The following CALN1 variants were observed in gnomAD, a reference collection of about 807,000 sequenced individuals.
CALN1 encodes the protein calneuron 1, also known as calcium-binding protein 8.
In CALN1, 17 loss-of-function variants were observed where a neutral mutation model predicts 30.6. That is an observed-to-expected ratio of 0.56 (90% CI 0.38 to 0.83). The LOEUF (loss-of-function observed/expected upper bound fraction) is 0.83, where lower values mean the gene tolerates loss of function less well. Ranked by LOEUF, CALN1 falls within the 40% of genes least tolerant of loss-of-function variation. The pLI is 0.00. For missense variants in CALN1, 291 were observed against 354.9 expected, an observed-to-expected ratio of 0.82 and a Z score of 1.45; for synonymous variants, 156 against 131.4, an observed-to-expected ratio of 1.19 and a Z score of -1.28.
At chr7:72,056,967 G>C (rs562283656) in intron 4 of CALN1, among the ~76,000 whole-genome samples, 1 of 151,976 alleles carries the variant, frequency 6.6e-6, no homozygotes, top group Non-Finnish European at 1.5e-5. Flanking sequence ...TAAAAACAAG[G>C]TCTCACTCTG....
intron 2 of CALN1, among the ~76,000 whole-genome samples, chr7:72,303,397 T>C (rs1799428243): frequency 2.0e-5 from 3 of 151,894 alleles, no homozygotes; most frequent in Non-Finnish European, 4.4e-5. Flanking sequence ...ACCCTGTCTC[T>C]ACTAAAAATA....
intron 5 of CALN1, among the ~76,000 whole-genome samples, chr7:71,842,285 T>G (rs1161855886): frequency 6.6e-6 from 1 of 152,252 alleles, no homozygotes; most frequent in Non-Finnish European, 1.5e-5. Context: ...AATACTATCC[T>G]GCCCTGCGGG....
intron 6 of CALN1, among the ~76,000 whole-genome samples, chr7:71,788,668 T>TA (rs1207436170): frequency 5.9e-4 from 89 of 151,562 alleles, no homozygotes; most frequent in East Asian, 2.0e-4. Flanking sequence ...TTATTATTAT[T>TA]TTTTTTGATA....
At chr7:71,924,216 ATT>A in intron 5 of CALN1, among the ~76,000 whole-genome samples, 2 of 124,184 alleles carry the variant, frequency 1.6e-5, no homozygotes, top group Admixed American at 8.6e-5. Flanking sequence ...AAAAAAAAAG[ATT>A]AGGATTAGGA....
chr7:72,311,651 A>ATTTTTTTTTTTTTTTTTTTT (rs56197069), intron 2 of CALN1, among the ~76,000 whole-genome samples: 3 of 48,470 alleles, frequency 6.2e-5, no homozygotes, highest in Non-Finnish European at 1.1e-4. Context: ...CCTGGCTGAG[A>ATTTTTTTTTTTTTTTTTTTT]TTTTTTTTTT....
chr7:72,383,974 A>G (rs1221170620), intron 2 of CALN1, among the ~76,000 whole-genome samples: 1 of 152,246 alleles, frequency 6.6e-6, no homozygotes, highest in Non-Finnish European at 1.5e-5. Flanking sequence ...ATTATAAATC[A>G]TTCTACTATA....
intron 5 of CALN1, among the ~76,000 whole-genome samples, chr7:71,989,880 C>T (rs1011723751): frequency 2.0e-5 from 3 of 151,596 alleles, no homozygotes; most frequent in South Asian, 2.1e-4. Context: ...GGAATGAAGC[C>T]GAAAGGGATT....
rs1563015136 is a variant in CALN1 at position 72,054,407 on chromosome 7, A to ATATATATG, written c.389-30639_389-30638insCATATATA. On this transcript the variant is annotated intron_variant, in intron 4 of 6. Transcript: ENST00000395275. ...TTGTTGGCTGCATATATGTACATAT[A>ATATATATG]TATATATATACGTGTATATATACAC... 6.3e-4 allele frequency among the ~76,000 whole-genome samples: 58 copies of ATATATATG among 92,012 alleles called. 2 individuals carry two copies. The East Asian group carries it at 8.2e-3, about 13-fold the overall frequency. 60.4% of individuals were successfully genotyped at this position (92,012 alleles called of 152,430 possible). A position where few individuals can be genotyped will look rare whatever the true frequency, so the allele number is the denominator to read the frequency against.
chr7:72,393,256 A>C (rs939518236), intron 2 of CALN1, among the ~76,000 whole-genome samples: 4 of 152,130 alleles, frequency 2.6e-5, no homozygotes, highest in African/African-American at 9.7e-5. Context: ...TCATGAGGCC[A>C]GATCAAGACC....
intron 2 of CALN1, among the ~76,000 whole-genome samples, chr7:72,330,485 A>C (rs2944823): frequency 7.0e-6 from 1 of 143,168 alleles, no homozygotes. Flanking sequence ...AAAAAAAAAA[A>C]AGAGAGAGAG....
the CALN1 span, among the ~76,000 whole-genome samples, chr7:72,461,286 C>T: frequency 1.6e-4 from 24 of 152,282 alleles, no homozygotes; most frequent in African/African-American, 5.5e-4. Context: ...GAACTACCAC[C>T]AAACCCAATC....
intron 2 of CALN1, among the ~76,000 whole-genome samples, chr7:72,369,061 C>T (rs959251573): frequency 4.0e-5 from 6 of 151,378 alleles, no homozygotes; most frequent in Admixed American, 2.0e-4. Context: ...GTGATCTGCC[C>T]ACCTCTGCCT....
At chr7:72,326,572 G>A (rs1374857123) in intron 2 of CALN1, among the ~76,000 whole-genome samples, 5 of 152,192 alleles carry the variant, frequency 3.3e-5, no homozygotes, top group Admixed American at 2.0e-4. Flanking sequence ...AGGCTGAGAC[G>A]CCACATCAGT....
chr7:71,849,076 G>A (rs1172800902), intron 5 of CALN1, among the ~76,000 whole-genome samples: 1 of 152,068 alleles, frequency 6.6e-6, no homozygotes, highest in Non-Finnish European at 1.5e-5. Context: ...GTGTCTTAAG[G>A]TGTTTAACTC....
chr7:72,016,807 CCTGGG>C (rs1380242090), intron 5 of CALN1, among the ~76,000 whole-genome samples: 2 of 151,342 alleles, frequency 1.3e-5, no homozygotes, highest in African/African-American at 4.9e-5. Flanking sequence ...AAAGCCTGGG[CCTGGG>C]CTGGGAAGAA....
the CALN1 span, among the ~76,000 whole-genome samples, chr7:72,478,664 T>C: frequency 6.6e-6 from 1 of 151,952 alleles, no homozygotes; most frequent in African/African-American, 2.4e-5. Context: ...TGTACCTGAT[T>C]GCTTCCCCTG....
At chr7:72,093,925 G>A (rs944616181) in intron 4 of CALN1, among the ~76,000 whole-genome samples, 2 of 152,282 alleles carry the variant, frequency 1.3e-5, no homozygotes, top group Middle Eastern at 6.8e-3. Context: ...GGTGGATTTA[G>A]AAAACTGATT....
At chr7:72,192,371 T>TC (rs1302084961) in intron 3 of CALN1, among the ~76,000 whole-genome samples, 2 of 152,240 alleles carry the variant, frequency 1.3e-5, no homozygotes, top group East Asian at 3.9e-4. Flanking sequence ...AGTAATATAT[T>TC]CACAGGTTCT....
At chr7:71,915,164 A>C (rs1355588149) in intron 5 of CALN1, among the ~76,000 whole-genome samples, 1 of 152,114 alleles carries the variant, frequency 6.6e-6, no homozygotes, top group East Asian at 1.9e-4. Flanking sequence ...TGAATTCTCT[A>C]TTATAGGCCT....
Sources: allele counts gnomAD v4.1 joint callset (sites outside exome capture counted in the v4.1 genomes callset), GRCh38; gene constraint gnomAD v4.1.1; transcripts MANE v1.5; gene names NCBI Gene and HGNC (gene_info 2026-07-23, HGNC 2026-07-21).